Variants in PRMT2 observed in about 807,000 individuals in gnomAD.
PRMT2 encodes protein arginine methyltransferase 2.
A neutral mutation model predicts 57.6 loss-of-function variants in PRMT2; 26 were observed. The observed-to-expected ratio is 0.45, with a 90% CI of 0.33 to 0.63. PRMT2 has a LOEUF of 0.63. Among genes scored for constraint, PRMT2 ranks in the 20% least tolerant of loss-of-function variants. The probability of loss-of-function intolerance (pLI) is 0.02; values close to 1 mark genes in which losing one functional copy is unlikely to be tolerated. For missense variants in PRMT2, 472 were observed against 564.4 expected (o/e 0.84, Z 1.66); for synonymous variants, 219 against 220.0 (o/e 1.00, Z 0.04).
intron 11 of PRMT2, among the ~76,000 whole-genome samples, 199 bp downstream of exon 11, chr21:46,663,753 C>T (rs1224910974): frequency 6.6e-6 from 1 of 150,766 alleles, no homozygotes; most frequent in Non-Finnish European, 1.5e-5. Flanking sequence ...GTGGAGGGCT[C>T]TGGAAGGGAA....
intron 8 of PRMT2, chr21:46,659,339 T>G: frequency 1.0e-6 from 1 of 989,730 alleles, no homozygotes; most frequent in Non-Finnish European, 1.2e-6. Context: ...GCAGCAACAA[T>G]GGATGGAATG....
intron 8 of PRMT2, chr21:46,660,153 G>GT: frequency 1.0e-6 from 1 of 977,434 alleles, no homozygotes. Context: ...TATTTCAGAA[G>GT]TTACTGCTTT....
intron 3 of PRMT2, among the ~76,000 whole-genome samples, chr21:46,640,047 T>C (rs932289260): frequency 2.6e-5 from 4 of 152,202 alleles, no homozygotes; most frequent in African/African-American, 4.8e-5. Flanking sequence ...TTATATTGTT[T>C]TAGTGTTTTC....
rs1037641871 is a variant in PRMT2, at chr21:46,648,606, C to T, written c.476C>T (p.Ala159Val). The T allele has an allele frequency of 4.3e-6, 7 of 1,613,882 alleles. No homozygotes were observed. Among genetic ancestry groups the T allele is most frequent in the Admixed American group, 1.7e-5 (1 of 60,002 alleles). ...GIISLFCAHY[A>V]RPRAVYAVEA... ...ATCAGTCTCTTCTGTGCACACTATG[C>T]GCGGCCTAGAGCGGTGAGTGGGGTC... The change falls in exon 6 of 12, where the codon GCG becomes GTG. Residue 159 changes from alanine to valine, a missense_variant. This residue lies in a region of PRMT2 where 243 missense variants were observed against 347.2 expected (regional missense o/e 0.70). Coordinates refer to ENST00000355680, the MANE Select transcript of PRMT2 (RefSeq NM_206962.4). The surrounding 1 kb of genome is among the most constrained non-coding windows in gnomAD (Gnocchi z 4.8).
chr21:46,646,287 A>G (rs1362495169), intron 5 of PRMT2, among the ~76,000 whole-genome samples: 1 of 152,218 alleles, frequency 6.6e-6, no homozygotes, highest in Non-Finnish European at 1.5e-5. Context: ...GTTAAAAACT[A>G]TTCATGTCTG....
rs746794214 is a variant in PRMT2, at chr21:46,636,980, G to A, written c.29G>A (p.Ser10Asn). ...GCAACATCAGGTGACTGTCCCAGAA[G>A]TGAATCGCAGGTAATTTCCGTTCCA... MATSGDCPR[S>N]ESQGEEPAEC... The change falls in exon 3 of 12, where the codon AGT becomes AAT. Residue 10 changes from serine to asparagine, a missense_variant. By Grantham distance (46) the Ser-to-Asn change is conservative (BLOSUM62 1). This residue lies in a region of PRMT2 where 243 missense variants were observed against 347.2 expected (regional missense o/e 0.70). Transcript: ENST00000355680. The A allele has an allele frequency of 6.2e-7, 1 of 1,613,922 alleles. No homozygotes were observed.
At chr21:46,645,309 A>C (rs991757679) in intron 5 of PRMT2, among the ~76,000 whole-genome samples, 2 of 152,278 alleles carry the variant, frequency 1.3e-5, no homozygotes, top group Admixed American at 6.5e-5. Context: ...TCTATGAATA[A>C]TACTACTTAG....
intron 7 of PRMT2, among the ~76,000 whole-genome samples, chr21:46,650,671 C>T (rs1002957857): frequency 2.0e-5 from 3 of 152,158 alleles, no homozygotes; most frequent in South Asian, 4.1e-4. Context: ...CAGCTGGTGC[C>T]CCGGCCACGG....
At chr21:46,652,342 C>T in intron 7 of PRMT2, 1 of 1,149,884 alleles carries the variant, frequency 8.7e-7, no homozygotes, top group South Asian at 2.5e-5. Flanking sequence ...ATTAGCACAG[C>T]TAAAAACTAT....
intron 11 of PRMT2, 43 bp downstream of exon 11, chr21:46,663,597 C>T: frequency 6.3e-7 from 1 of 1,591,576 alleles, no homozygotes; most frequent in Non-Finnish European, 8.6e-7. Context: ...GGGTGCCGGT[C>T]CTCAGGGAGA....
At chr21:46,653,995 A>G in intron 7 of PRMT2, 1 of 999,348 alleles carries the variant, frequency 1.0e-6, no homozygotes, top group Non-Finnish European at 1.2e-6. Context: ...AAAATGCAGC[A>G]TAGTTAATCA....
intron 7 of PRMT2, chr21:46,657,896 G>C (rs1245791643): frequency 6.6e-6 from 1 of 152,194 alleles, no homozygotes; most frequent in South Asian, 2.1e-4. Context: ...TGATAACAGT[G>C]GTTCCTTCTA....
intron 5 of PRMT2, 106 bp downstream of exon 5, chr21:46,644,594 C>A: frequency 1.7e-6 from 2 of 1,193,474 alleles, no homozygotes; most frequent in Non-Finnish European, 2.3e-6. Context: ...CAGGCCAGAG[C>A]TCCTCTGTTG....
rs80027118 is a variant in PRMT2 at position 46,651,922 on chromosome 21, T to A, written c.654+2183T>A. On this transcript the variant is annotated intron_variant, in intron 7 of 11. Coordinates refer to ENST00000355680, the MANE Select transcript of PRMT2 (RefSeq NM_206962.4). ...GCACCTGTGCGTCTGTCCCTCTTCA[T>A]GTCCTCCTTGCCTGCTGTCTGCCTG... 2.5e-6 allele frequency: 4 copies of A among 1,613,224 alleles called. No homozygotes were observed. In the Admixed American group the frequency reaches 6.7e-5, roughly 27 times the overall value.
intron 3 of PRMT2, 49 bp downstream of exon 3, chr21:46,637,039 A>G (rs2061185252): frequency 6.9e-6 from 11 of 1,593,618 alleles, no homozygotes; most frequent in Non-Finnish European, 9.5e-6. Flanking sequence ...GAATGTGAGC[A>G]TTACAGAGAG....
intron 9 of PRMT2, chr21:46,661,433 C>T (rs2061618472): frequency 5.8e-6 from 1 of 172,528 alleles, no homozygotes; most frequent in Non-Finnish European, 1.2e-5. Flanking sequence ...CCCCAGCTGG[C>T]GCCGCGTCTG....
At chr21:46,641,733 G>A (rs1045812979) in intron 3 of PRMT2, among the ~76,000 whole-genome samples, 4 of 149,556 alleles carry the variant, frequency 2.7e-5, no homozygotes, top group African/African-American at 9.7e-5. Flanking sequence ...GTGTGTGTGT[G>A]TGTGTGTGTG....
intron 7 of PRMT2, chr21:46,653,235 G>A (rs2061488570): frequency 4.1e-6 from 4 of 985,338 alleles, no homozygotes; most frequent in Non-Finnish European, 4.8e-6. Context: ...ACACAGCCTT[G>A]TACTGTTTTA....
Position 46,651,776 on chromosome 21 carries a change from G to A in PRMT2, c.654+2037G>A, listed in dbSNP as rs754425189. ...TATGAATCTGGGAGTCGTTGGTGCGGTTGTACCCACCTTCACTTTCCGTCC... is the reference window on the plus strand; with the variant it reads ...TATGAATCTGGGAGTCGTTGGTGCGATTGTACCCACCTTCACTTTCCGTCC... On this transcript the variant is annotated intron_variant, in intron 7 of 11. Transcript: ENST00000355680. 3 of 1,611,802 alleles carry A rather than the reference G, an allele frequency of 1.9e-6. No individual in the cohort carries two copies. The South Asian group carries it at 3.3e-5, about 18-fold the overall frequency.
Sources: gnomAD v4.1 joint callset for allele counts (sites outside exome capture counted in the v4.1 genomes callset) on GRCh38, gnomAD v4.1.1 for gene constraint, gnomAD v4.1.1 regional missense constraint, Gnocchi (gnomAD v3.1) non-coding constraint, MANE v1.5 for transcripts, NCBI Gene and HGNC (gene_info 2026-07-23, HGNC 2026-07-21) for gene names.